Variants in TMOD3 observed in about 807,000 individuals in gnomAD.
TMOD3 encodes the protein tropomodulin 3.
In TMOD3, 20 loss-of-function variants were observed where a neutral mutation model predicts 39.2. That is an observed-to-expected ratio of 0.51 (90% CI 0.36 to 0.74). The LOEUF (loss-of-function observed/expected upper bound fraction) is 0.74. Among genes scored for constraint, TMOD3 ranks in the 30% least tolerant of loss-of-function variants. The pLI, the probability that TMOD3 is intolerant of heterozygous loss-of-function variation, is 0.00. For synonymous variants in TMOD3, 143 were observed against 145.8 expected (o/e 0.98, Z 0.14); for missense variants, 381 against 412.8 (o/e 0.92, Z 0.67).
chr15:51,841,606 T>C (rs2056313007), intron 1 of TMOD3, among the ~76,000 whole-genome samples: 1 of 152,210 alleles, frequency 6.6e-6, no homozygotes, highest in African/African-American at 2.4e-5. Flanking sequence ...AAGACTTCCC[T>C]TCTTTCATCA....
At chr15:51,896,356 T>G (rs1208321109) in intron 6 of TMOD3, 63 bp from the exon 7 acceptor site, 1 of 1,190,302 alleles carries the variant, frequency 8.4e-7, no homozygotes, top group Non-Finnish European at 1.2e-6. Context: ...TATATTTGAT[T>G]AATGGAAACT....
intron 3 of TMOD3, among the ~76,000 whole-genome samples, chr15:51,884,396 T>A (rs751896189): frequency 5.3e-5 from 8 of 152,230 alleles, no homozygotes; most frequent in Non-Finnish European, 7.3e-5. Context: ...ATTAAGGGAA[T>A]ACAGAAGTAC....
intron 3 of TMOD3, among the ~76,000 whole-genome samples, chr15:51,872,428 G>T (rs2056479774): frequency 6.6e-6 from 1 of 151,900 alleles, no homozygotes; most frequent in African/African-American, 2.4e-5. Context: ...CCCACTGAAG[G>T]CCCTATCATG....
At chr15:51,869,621 C>A (rs376321851) in intron 3 of TMOD3, among the ~76,000 whole-genome samples, 2 of 152,116 alleles carry the variant, frequency 1.3e-5, no homozygotes, top group African/African-American at 4.8e-5. Context: ...TTCTTTAATT[C>A]TCTACTATAA....
chr15:51,852,720 T>A (rs574772760), intron 1 of TMOD3, among the ~76,000 whole-genome samples: 2 of 152,256 alleles, frequency 1.3e-5, no homozygotes, highest in South Asian at 4.1e-4. Context: ...AAAGCAGAGA[T>A]TGATGTGTGA....
At chr15:51,879,508 A>T (rs919069587) in intron 3 of TMOD3, among the ~76,000 whole-genome samples, 1 of 151,958 alleles carries the variant, frequency 6.6e-6, no homozygotes, top group African/African-American at 2.4e-5. Flanking sequence ...ACTGAAAGGT[A>T]AAAATGTTTT....
intron 5 of TMOD3, among the ~76,000 whole-genome samples, chr15:51,891,226 TCC>T (rs2056591472): frequency 6.7e-6 from 1 of 150,022 alleles, no homozygotes; most frequent in Non-Finnish European, 1.5e-5. Context: ...TTAACAGTTC[TCC>T]TCCCCAACCT....
At chr15:51,867,063 G>A (rs2056450624) in intron 2 of TMOD3, among the ~76,000 whole-genome samples, 2 of 152,094 alleles carry the variant, frequency 1.3e-5, no homozygotes, top group South Asian at 4.1e-4. Context: ...GTAGAAGGAA[G>A]TATATGGCAA....
chr15:51,898,018 A>G (rs1283134095), intron 7 of TMOD3, among the ~76,000 whole-genome samples: 1 of 152,176 alleles, frequency 6.6e-6, no homozygotes, highest in Non-Finnish European at 1.5e-5. Context: ...TTCTTTACAT[A>G]GCACCAAGAG....
At chr15:51,848,542 T>G (rs1163656204) in intron 1 of TMOD3, among the ~76,000 whole-genome samples, 7 of 152,210 alleles carry the variant, frequency 4.6e-5, no homozygotes, top group African/African-American at 1.7e-4. Context: ...AGATTAATTT[T>G]GAACCATGCC....
At chr15:51,859,083 T>C (rs935270321) in intron 1 of TMOD3, 7 of 504,726 alleles carry the variant, frequency 1.4e-5, no homozygotes, top group Non-Finnish European at 2.5e-5. Context: ...ACAGCCATCT[T>C]GTCTGCCATC....
chr15:51,837,071 GAT>G (rs145171773), intron 1 of TMOD3, among the ~76,000 whole-genome samples: 1 of 150,438 alleles, frequency 6.6e-6, no homozygotes, highest in Non-Finnish European at 1.5e-5. Context: ...GGCTGGGTTT[GAT>G]ATATATATAT....
Position 51,860,914 on chromosome 15 carries a change from C to T in TMOD3, c.-74-1897C>T, listed in dbSNP as rs371062189. ...TCATGCCACTGCACTCCAGCCTAGG[C>T]GACAGAGCAAGACTCCATCTCAAAA... On this transcript the variant is annotated intron_variant, in intron 1 of 9. Transcript: ENST00000308580. The T allele has an allele frequency of 2.5e-4, 105 of 428,062 alleles. 1 individual carries two copies. Among genetic ancestry groups the T allele is most frequent in the African/African-American group, 1.0e-3 (50 of 49,150 alleles). The allele number at this position is 428,062 out of a possible 1,614,324, so 26.5% of individuals were successfully genotyped here.
chr15:51,900,091 A>G (rs1282745871), intron 7 of TMOD3, 64 bp from the exon 8 acceptor site: 7 of 1,456,662 alleles, frequency 4.8e-6, no homozygotes, highest in Non-Finnish European at 4.7e-6. Flanking sequence ...TATTTATGGC[A>G]TGTACAATAT....
intron 6 of TMOD3, 136 bp downstream of exon 6, chr15:51,894,081 A>G (rs1365536248): frequency 3.1e-6 from 2 of 641,934 alleles, no homozygotes; most frequent in Non-Finnish European, 4.7e-6. Flanking sequence ...ATGCTAACAT[A>G]GGTTTCTTCA....
chr15:51,868,012 T>C (rs1053603590), intron 2 of TMOD3, among the ~76,000 whole-genome samples: 1 of 152,202 alleles, frequency 6.6e-6, no homozygotes, highest in Non-Finnish European at 1.5e-5. Flanking sequence ...CAGGGGTCCC[T>C]TGGGGCATGT....
intron 1 of TMOD3, among the ~76,000 whole-genome samples, chr15:51,850,811 A>G (rs1283884167): frequency 6.6e-6 from 1 of 152,076 alleles, no homozygotes; most frequent in Non-Finnish European, 1.5e-5. Context: ...ATCTCGGCTC[A>G]CTGTAACCTC....
chr15:51,901,571 T>TTGTG (rs1566868148), intron 8 of TMOD3: 14 of 162,218 alleles, frequency 8.6e-5, no homozygotes, highest in African/African-American at 1.8e-4. Context: ...TTAAAAAGTT[T>TTGTG]AGTGTGTGTG....
chr15:51,886,669 A>C (rs1322028301), intron 3 of TMOD3, among the ~76,000 whole-genome samples: 1 of 151,734 alleles, frequency 6.6e-6, no homozygotes, highest in Non-Finnish European at 1.5e-5. Context: ...AGAGAGGGAG[A>C]GGGAGAGGGA....
Sources: gnomAD v4.1 joint callset for allele counts (sites outside exome capture counted in the v4.1 genomes callset) on GRCh38, gnomAD v4.1.1 for gene constraint, MANE v1.5 for transcripts, NCBI Gene and HGNC (gene_info 2026-07-23, HGNC 2026-07-21) for gene names.